The following RGS6 variants were observed in gnomAD, a reference collection of about 807,000 sequenced individuals.
The protein encoded by RGS6 is regulator of G-protein signaling 6.
RGS6 carries 30 observed loss-of-function variants against 78.5 expected under a neutral mutation model. The observed-to-expected ratio is 0.38, with a 90% confidence interval of 0.29 to 0.52. The LOEUF (loss-of-function observed/expected upper bound fraction) is 0.52. Ranked by LOEUF, RGS6 falls within the 20% of genes least tolerant of loss-of-function variation. The pLI is 0.85. For missense variants in RGS6, 495 were observed against 609.7 expected, an observed-to-expected ratio of 0.81 and a Z score of 1.98; for synonymous variants, 206 against 206.0, an observed-to-expected ratio of 1.00 and a Z score of 0.00.
intron 2 of RGS6, among the ~76,000 whole-genome samples, chr14:72,137,787 T>A (rs8005312): frequency 0.27 from 40,511 of 152,082 alleles, 5,826 homozygotes; most frequent in African/African-American, 0.35. Context: ...GTGTTTTTGT[T>A]CACAAACTGA....
intron 16 of RGS6, chr14:72,537,790 G>C: frequency 1.8e-6 from 1 of 546,558 alleles, no homozygotes; most frequent in Non-Finnish European, 3.3e-6. Context: ...CTAAGGCTCT[G>C]GTAGTTTAAC....
In RGS6 at chr14:72,446,038, C is replaced by T. The variant is rs531125120; in HGVS notation, c.185-8490C>T. On this transcript the variant is annotated intron_variant, in intron 3 of 17. Transcript: ENST00000553525. The stretch of plus-strand genomic sequence containing the variant: ...CTTTGGGAGGCCAAGGCAGGAGGAT[C>T]ACTTCAGCCCAGAAGTTAGAGACCA... Among the ~76,000 whole-genome samples the T allele has an allele frequency of 3.3e-5, 5 of 152,252 alleles. No homozygotes were observed. In the East Asian group the frequency reaches 9.6e-4, roughly 29 times the overall value.
intron 7 of RGS6, 100 bp downstream of exon 7, chr14:72,465,922 T>C: frequency 1.1e-6 from 1 of 934,602 alleles, no homozygotes; most frequent in South Asian, 1.6e-5. Context: ...CCCCCTTTTG[T>C]CCCTTTCAGA....
chr14:72,295,438 G>A (rs931328725), intron 2 of RGS6, among the ~76,000 whole-genome samples: 9 of 152,150 alleles, frequency 5.9e-5, no homozygotes, highest in African/African-American at 1.9e-4. Flanking sequence ...AGATCCGGCT[G>A]GCCCAGAGAG....
At chr14:71,908,747 GC>G in the RGS6 span, among the ~76,000 whole-genome samples, 1 of 152,094 alleles carries the variant, frequency 6.6e-6, no homozygotes, top group East Asian at 1.9e-4. Context: ...AGGAGGGAAT[GC>G]CCTTCTAGGG....
At chr14:71,975,673 G>T (rs1213926137) in intron 2 of RGS6, among the ~76,000 whole-genome samples, 1 of 152,084 alleles carries the variant, frequency 6.6e-6, no homozygotes, top group Non-Finnish European at 1.5e-5. Flanking sequence ...TGACCAGGAT[G>T]GTCTCGATCT....
intron 2 of RGS6, among the ~76,000 whole-genome samples, chr14:72,298,122 T>C (rs191812278): frequency 2.2e-4 from 34 of 152,264 alleles, no homozygotes; most frequent in African/African-American, 8.2e-4. Flanking sequence ...GATAAAATTT[T>C]AATTTACTAG....
At chr14:71,944,140 T>C (rs1467428933) in intron 1 of RGS6, among the ~76,000 whole-genome samples, 1 of 152,184 alleles carries the variant, frequency 6.6e-6, no homozygotes. Context: ...CCAATACACA[T>C]AGTAAATGCT....
the RGS6 span, among the ~76,000 whole-genome samples, chr14:72,589,131 T>A: frequency 0.015 from 2,325 of 152,174 alleles, 54 homozygotes; most frequent in African/African-American, 0.054. Context: ...AGAAATACAG[T>A]TTAAAACCAA....
intron 2 of RGS6, among the ~76,000 whole-genome samples, chr14:72,072,815 C>T (rs891098883): frequency 1.3e-5 from 2 of 152,190 alleles, no homozygotes; most frequent in African/African-American, 2.4e-5. Flanking sequence ...AGCAGCATCA[C>T]ATTAAAGTCA....
chr14:72,014,578 CT>C (rs1336151794), intron 2 of RGS6, among the ~76,000 whole-genome samples: 1 of 152,112 alleles, frequency 6.6e-6, no homozygotes, highest in Non-Finnish European at 1.5e-5. Context: ...TTTTAGAGGC[CT>C]TTTAATAATG....
At chr14:72,230,831 G>C (rs2153809732) in intron 2 of RGS6, among the ~76,000 whole-genome samples, 1 of 152,250 alleles carries the variant, frequency 6.6e-6, no homozygotes, top group South Asian at 2.1e-4. Context: ...GATTGTAGCT[G>C]CTAACCACAT....
At chr14:72,336,508 C>G (rs1487834407) in intron 2 of RGS6, among the ~76,000 whole-genome samples, 1 of 137,342 alleles carries the variant, frequency 7.3e-6, no homozygotes, top group Admixed American at 7.4e-5. Flanking sequence ...TAGGTGTCAT[C>G]TCCTGAGAGA....
intron 2 of RGS6, among the ~76,000 whole-genome samples, chr14:72,301,515 A>G (rs189792266): frequency 6.6e-6 from 1 of 152,092 alleles, no homozygotes; most frequent in African/African-American, 2.4e-5. Flanking sequence ...CTCTCACCAC[A>G]TAGGAAACTA....
intron 2 of RGS6, among the ~76,000 whole-genome samples, chr14:72,220,934 C>G (rs1320183723): frequency 6.6e-6 from 1 of 152,154 alleles, no homozygotes; most frequent in Non-Finnish European, 1.5e-5. Flanking sequence ...TGGGAGGATT[C>G]AGATGACTCA....
intron 2 of RGS6, among the ~76,000 whole-genome samples, chr14:72,319,157 G>C (rs1469901242): frequency 6.6e-6 from 1 of 152,158 alleles, no homozygotes; most frequent in Non-Finnish European, 1.5e-5. Context: ...CTGGAAAATA[G>C]ATGGTAAATG....
the RGS6 span, among the ~76,000 whole-genome samples, chr14:71,917,004 G>A: frequency 6.6e-6 from 1 of 152,300 alleles, no homozygotes; most frequent in Admixed American, 6.5e-5. Context: ...CTGAAAATAG[G>A]TGGTGAGCAA....
rs554680940 is a variant in RGS6, at chr14:72,356,808, C to T, written c.184+4614C>T. ...ATGTGAAGACAATGTATTTGCTTCA[C>T]TTTCTGCCATGATTGTAAGTTTCCT... is the stretch of plus-strand genomic sequence containing the variant. On this transcript the variant is annotated intron_variant, in intron 3 of 17. Transcript: ENST00000553525. Among the ~76,000 whole-genome samples, 8 of 152,296 alleles carry T rather than the reference C, an allele frequency of 5.3e-5. No individual in the cohort carries two copies. In the South Asian group the frequency reaches 1.5e-3, roughly 28 times the overall value.
chr14:72,253,534 T>C (rs563242347), intron 2 of RGS6, among the ~76,000 whole-genome samples: 27 of 152,274 alleles, frequency 1.8e-4, no homozygotes, highest in African/African-American at 6.5e-4. Context: ...TATAAACAAA[T>C]AGGTATGGCT....
Sources: allele counts gnomAD v4.1 joint callset (sites outside exome capture counted in the v4.1 genomes callset), GRCh38; gene constraint gnomAD v4.1.1; transcripts MANE v1.5; gene names NCBI Gene and HGNC (gene_info 2026-07-23, HGNC 2026-07-21).